Variants in NRG1 observed in about 807,000 individuals in gnomAD.
NRG1 encodes the protein pro-neuregulin-1, membrane-bound isoform.
In NRG1, 18 loss-of-function variants were observed where a neutral mutation model predicts 63.8. The ratio of observed to expected loss-of-function variants is 0.28; its 90% CI spans 0.19 to 0.42. The LOEUF (loss-of-function observed/expected upper bound fraction) is 0.42. NRG1 is among the 10% of genes least tolerant of loss of function. The probability of loss-of-function intolerance (pLI) is 1.00; values close to 1 mark genes in which losing one functional copy is unlikely to be tolerated. For missense variants in NRG1, 762 were observed against 814.7 expected (o/e 0.94, Z 0.79); for synonymous variants, 302 against 301.3 (o/e 1.00, Z -0.02).
chr8:32,743,573 C>CATATATATATATACATATAT (rs1826842187), intron 7 of NRG1, among the ~76,000 whole-genome samples: 1 of 113,714 alleles, frequency 8.8e-6, no homozygotes, highest in South Asian at 3.0e-4. Context: ...TAAGGCAAAA[C>CATATATATATATACATATAT]ATATATATAT....
At chr8:32,213,665 T>C (rs1324194147) in intron 1 of NRG1, among the ~76,000 whole-genome samples, 1 of 152,086 alleles carries the variant, frequency 6.6e-6, no homozygotes, top group Non-Finnish European at 1.5e-5. Context: ...TAGCAATATC[T>C]CTACCTAATG....
At chr8:32,550,941 G>A (rs1458063913) in intron 1 of NRG1, among the ~76,000 whole-genome samples, 4 of 152,118 alleles carry the variant, frequency 2.6e-5, no homozygotes, top group African/African-American at 9.7e-5. Flanking sequence ...TACCCCCTTC[G>A]AAGCATCTTG....
chr8:32,390,426 A>G (rs746786934), intron 1 of NRG1, among the ~76,000 whole-genome samples: 1 of 151,862 alleles, frequency 6.6e-6, no homozygotes, highest in Non-Finnish European at 1.5e-5. Flanking sequence ...ACAAAAAATA[A>G]ACAACCAGGC....
intron 5 of NRG1, among the ~76,000 whole-genome samples, chr8:32,617,613 AC>A (rs1847612575): frequency 1.3e-5 from 2 of 152,190 alleles, no homozygotes; most frequent in Admixed American, 6.5e-5. Context: ...AGTTTATCAA[AC>A]CTTGAAAATT....
intron 1 of NRG1, among the ~76,000 whole-genome samples, chr8:32,342,584 C>A (rs992143572): frequency 2.6e-5 from 4 of 152,148 alleles, no homozygotes; most frequent in Non-Finnish European, 5.9e-5. Flanking sequence ...AATGCCAATG[C>A]TGTATTGTCT....
chr8:31,994,671 AAAAAAAAG>A (rs1811669518), intron 1 of NRG1, among the ~76,000 whole-genome samples: 2 of 150,358 alleles, frequency 1.3e-5, no homozygotes, highest in Non-Finnish European at 3.0e-5. Context: ...AAAAAAAAAA[AAAAAAAAG>A]ACTTCAAATA....
intron 1 of NRG1, among the ~76,000 whole-genome samples, chr8:32,347,490 T>A (rs1051520871): frequency 1.3e-5 from 2 of 152,216 alleles, no homozygotes; most frequent in African/African-American, 4.8e-5. Flanking sequence ...CACAGTAAAT[T>A]GATTTAGGCA....
chr8:32,465,725 A>G (rs1195774561), intron 1 of NRG1, among the ~76,000 whole-genome samples: 1 of 149,776 alleles, frequency 6.7e-6, no homozygotes, highest in African/African-American at 2.4e-5. Context: ...TCTGAAGAGA[A>G]GTATTCAGGA....
At chr8:31,938,349 G>C (rs1007344720) in intron 1 of NRG1, among the ~76,000 whole-genome samples, 4 of 152,132 alleles carry the variant, frequency 2.6e-5, no homozygotes, top group Non-Finnish European at 5.9e-5. Context: ...CCATTCCTAG[G>C]AGAAGGGGGA....
At chr8:31,936,129 G>T (rs1005070994) in intron 1 of NRG1, among the ~76,000 whole-genome samples, 2 of 152,194 alleles carry the variant, frequency 1.3e-5, no homozygotes, top group African/African-American at 4.8e-5. Context: ...TTGCTTTTAA[G>T]AAGTGTTATG....
intron 1 of NRG1, among the ~76,000 whole-genome samples, chr8:31,730,729 T>A (rs1306092945): frequency 6.6e-6 from 1 of 151,906 alleles, no homozygotes; most frequent in African/African-American, 2.4e-5. Flanking sequence ...CCAGATCCCA[T>A]AAAATAAAAA....
intron 5 of NRG1, chr8:32,648,185 A>G (rs1588962480): frequency 6.2e-7 from 1 of 1,614,142 alleles, no homozygotes; most frequent in Admixed American, 1.7e-5. Flanking sequence ...TTCAAGTTAC[A>G]GTGCAAGGTG....
At chr8:32,681,117 A>G (rs1808501404) in intron 5 of NRG1, among the ~76,000 whole-genome samples, 1 of 152,150 alleles carries the variant, frequency 6.6e-6, no homozygotes. Flanking sequence ...TCAGTAAGAG[A>G]GTAGGAATCA....
intron 1 of NRG1, among the ~76,000 whole-genome samples, chr8:32,390,571 C>A (rs1211761991): frequency 2.1e-5 from 3 of 145,062 alleles, no homozygotes; most frequent in Admixed American, 7.2e-5. Flanking sequence ...CCACTGCATT[C>A]CAGCCTGGGC....
chr8:32,482,322 C>T (rs868705358), intron 1 of NRG1, among the ~76,000 whole-genome samples: 3 of 151,868 alleles, frequency 2.0e-5, no homozygotes, highest in South Asian at 2.1e-4. Context: ...TCAGCTCTTG[C>T]TAGAAAATGA....
At chr8:32,356,747 G>T (rs1587022446) in intron 1 of NRG1, among the ~76,000 whole-genome samples, 1 of 152,306 alleles carries the variant, frequency 6.6e-6, no homozygotes, top group South Asian at 2.1e-4. Context: ...GCTGCAGGCT[G>T]CATGTCCTTT....
chr8:31,902,851 C>T (rs1273000072), intron 1 of NRG1, among the ~76,000 whole-genome samples: 1 of 152,130 alleles, frequency 6.6e-6, no homozygotes, highest in African/African-American at 2.4e-5. Context: ...GTTGACACTC[C>T]TCCATTGGGA....
intron 1 of NRG1, among the ~76,000 whole-genome samples, chr8:31,788,078 T>G (rs1053811647): frequency 4.6e-5 from 7 of 152,156 alleles, no homozygotes; most frequent in Non-Finnish European, 8.8e-5. Context: ...AGTCAGTGAT[T>G]GCAAAGCTTG....
At position 31,783,603 on chromosome 8, in the gene NRG1, CA is replaced by C. The variant is rs772436543; in HGVS notation, c.37+144187del. Among the ~76,000 whole-genome samples, 416 of 110,504 alleles carry C rather than the reference CA, an allele frequency of 3.8e-3. 1 individual carries two copies. The highest frequency in any genetic ancestry group is 0.01 in the Middle Eastern group (2 of 200). The allele number at this position is 110,504 out of a possible 152,430, so 72.5% of individuals were successfully genotyped here. On this transcript the variant is annotated intron_variant, in intron 1 of 10. Coordinates refer to the NRG1 transcript ENST00000519301. ...TTGGTGTAGAAAAGCTGTTTTCAGG[CA>C]AAAAAAAAAAAAAACAAAAAACACA...
Sources: gnomAD v4.1 joint callset for allele counts (sites outside exome capture counted in the v4.1 genomes callset) on GRCh38, gnomAD v4.1.1 for gene constraint, MANE v1.5 for transcripts, NCBI Gene and HGNC (gene_info 2026-07-23, HGNC 2026-07-21) for gene names.